The following PLCXD3 variants were observed in gnomAD, a reference collection of about 807,000 sequenced individuals.
The protein encoded by PLCXD3 is PI-PLC X domain-containing protein 3.
PLCXD3 carries 19 observed loss-of-function variants against 25.5 expected under a neutral mutation model. The observed-to-expected ratio is 0.75, with a 90% CI of 0.52 to 1.09. The LOEUF (loss-of-function observed/expected upper bound fraction) is 1.09, where lower values mean the gene tolerates loss of function less well. Ranked by LOEUF, PLCXD3 falls within the 50% of genes least tolerant of loss-of-function variation. The pLI is 0.00. For synonymous variants in PLCXD3, 174 were observed against 137.6 expected (o/e 1.26, Z -1.85); for missense variants, 411 against 388.1 (o/e 1.06, Z -0.50).
chr5:41,358,769 G>A (rs771494527), intron 2 of PLCXD3, among the ~76,000 whole-genome samples: 7 of 152,148 alleles, frequency 4.6e-5, no homozygotes, highest in Non-Finnish European at 7.4e-5. Flanking sequence ...TGGAAGTGGT[G>A]AGAATGGGCA....
intron 2 of PLCXD3, among the ~76,000 whole-genome samples, chr5:41,334,398 A>G (rs1054240547): frequency 6.6e-6 from 1 of 152,102 alleles, no homozygotes; most frequent in African/African-American, 2.4e-5. Flanking sequence ...GGGTACAGTC[A>G]TATTTTGGGA....
At chr5:41,498,264 A>G (rs1196776610) in intron 1 of PLCXD3, among the ~76,000 whole-genome samples, 1 of 151,616 alleles carries the variant, frequency 6.6e-6, no homozygotes, top group Non-Finnish European at 1.5e-5. Context: ...TTTTGAAAAG[A>G]TAAACATAAG....
chr5:41,497,052 A>T (rs1387440342), intron 1 of PLCXD3, among the ~76,000 whole-genome samples: 4 of 151,766 alleles, frequency 2.6e-5, no homozygotes, highest in Non-Finnish European at 5.9e-5. Flanking sequence ...CACGAAGAAA[A>T]AATCTACAGA....
intron 2 of PLCXD3, among the ~76,000 whole-genome samples, chr5:41,317,696 ATT>A (rs1356133666): frequency 1.3e-5 from 2 of 151,952 alleles, no homozygotes; most frequent in African/African-American, 4.8e-5. Flanking sequence ...TCAAGCAGAA[ATT>A]TTCTGGAGCT....
intron 2 of PLCXD3, among the ~76,000 whole-genome samples, chr5:41,353,342 C>T (rs1744527697): frequency 6.6e-6 from 1 of 151,858 alleles, no homozygotes; most frequent in Admixed American, 6.6e-5. Context: ...ACCTCATGAT[C>T]TGCCCGCCTC....
rs923481247 is a variant in PLCXD3 at position 41,312,129 on chromosome 5, C to T, written c.*1488G>A. 6.6e-6 allele frequency: 1 copy of T among 151,830 alleles called. No individual in the cohort carries two copies. Among genetic ancestry groups the T allele is most frequent in the Admixed American group, 6.6e-5 (1 of 15,190 alleles). The allele number at this position is 151,830 out of a possible 1,614,324, so 9.4% of individuals were successfully genotyped here. A position where few individuals can be genotyped will look rare whatever the true frequency, so the allele number is the denominator to read the frequency against. ...TATTTTTTAGAGTTGTCAAATATCACAATGACACGAAGGAGGAAGTAACGC... is the reference window on the plus strand; with the variant it reads ...TATTTTTTAGAGTTGTCAAATATCATAATGACACGAAGGAGGAAGTAACGC... On this transcript the variant is annotated 3_prime_UTR_variant, in exon 3 of 3. Coordinates refer to ENST00000377801, the MANE Select transcript of PLCXD3 (RefSeq NM_001005473.3).
intron 2 of PLCXD3, among the ~76,000 whole-genome samples, chr5:41,315,494 A>G (rs946697065): frequency 1.3e-5 from 2 of 152,184 alleles, no homozygotes; most frequent in Non-Finnish European, 2.9e-5. Context: ...ATGGTGGAAC[A>G]GAAGGCTCCG....
At position 41,465,353 on chromosome 5, in the gene PLCXD3, C is replaced by CTTTTTTTTTTTTTTTTTTTTTTT. The variant is rs58098437; in HGVS notation, c.103+45048_103+45070dup. Among the ~76,000 whole-genome samples, 19 of 13,234 alleles carry CTTTTTTTTTTTTTTTTTTTTTTT rather than the reference C, an allele frequency of 1.4e-3. 3 individuals carry two copies. Among genetic ancestry groups the CTTTTTTTTTTTTTTTTTTTTTTT allele is most frequent in the Middle Eastern group, 0.1 (1 of 10 alleles). 8.7% of individuals were successfully genotyped at this position (13,234 alleles called of 152,430 possible). ...TCCTACTTTCCCCACTAGTTCTTGTCTTTTTTTTTTTTTTTTTTTTTTTTT... is the reference window on the plus strand; with the variant it reads ...TCCTACTTTCCCCACTAGTTCTTGTCTTTTTTTTTTTTTTTTTTTTTTTTTTTTTTTTTTTTTTTTTTTTTTTT... On this transcript the variant is annotated intron_variant, in intron 1 of 2. Coordinates refer to ENST00000377801, the MANE Select transcript of PLCXD3 (RefSeq NM_001005473.3).
chr5:41,377,159 C>A (rs934566479), intron 2 of PLCXD3, among the ~76,000 whole-genome samples: 5 of 152,022 alleles, frequency 3.3e-5, no homozygotes, highest in Admixed American at 3.3e-4. Flanking sequence ...TGCTATCCAG[C>A]TAGGTTGCTT....
At chr5:41,358,273 C>T (rs1353719285) in intron 2 of PLCXD3, among the ~76,000 whole-genome samples, 1 of 152,134 alleles carries the variant, frequency 6.6e-6, no homozygotes, top group African/African-American at 2.4e-5. Context: ...GCTCTGTGTC[C>T]AGAGTGAATG....
chr5:41,443,575 T>C (rs575544609), intron 1 of PLCXD3, among the ~76,000 whole-genome samples: 103 of 152,316 alleles, frequency 6.8e-4, no homozygotes, highest in South Asian at 1.4e-3. Flanking sequence ...GCATCCATTA[T>C]ATTGTTATTA....
intron 1 of PLCXD3, among the ~76,000 whole-genome samples, chr5:41,421,848 T>C (rs1260206325): frequency 6.6e-6 from 1 of 152,212 alleles, no homozygotes; most frequent in Admixed American, 6.5e-5. Flanking sequence ...CTAAAAAACT[T>C]TTTTTAGGTG....
intron 1 of PLCXD3, among the ~76,000 whole-genome samples, chr5:41,453,882 A>C (rs2150515026): frequency 6.6e-6 from 1 of 152,062 alleles, no homozygotes; most frequent in African/African-American, 2.4e-5. Context: ...TGGTTCAACT[A>C]TGTGTCCTTT....
intron 1 of PLCXD3, among the ~76,000 whole-genome samples, chr5:41,438,278 T>A (rs1457128): frequency 6.6e-6 from 1 of 151,996 alleles, no homozygotes; most frequent in African/African-American, 2.4e-5. Context: ...TAGTTAATGA[T>A]GAAAAGGCAA....
In PLCXD3 at chr5:41,312,367, T is replaced by C. The variant is rs1743153585; in HGVS notation, c.*1250A>G. 1 of 152,326 alleles carries C rather than the reference T, an allele frequency of 6.6e-6. No homozygotes were observed. The highest frequency in any genetic ancestry group is 2.1e-4 in the South Asian group (1 of 4,830). The allele number at this position is 152,326 out of a possible 1,614,324, so 9.4% of individuals were successfully genotyped here. On this transcript the variant is annotated 3_prime_UTR_variant, in exon 3 of 3. Transcript: ENST00000377801. ...TATTTCAGAGATCCCTGTGATTTCA[T>C]GGACATAATTTCAAACACATTGCTC...
chr5:41,401,043 A>T (rs953040697), intron 1 of PLCXD3, among the ~76,000 whole-genome samples: 1 of 151,934 alleles, frequency 6.6e-6, no homozygotes, highest in Non-Finnish European at 1.5e-5. Context: ...CTTATTTGAC[A>T]CTTTTTTTTG....
In PLCXD3 at chr5:41,440,249, T is replaced by TTTTTTTTTTTTTTTTTTTG. The variant is rs751131624; in HGVS notation, c.104-57716_104-57715insCAAAAAAAAAAAAAAAAAA. Reference sequence around the variant, plus strand: ...TTTTTTTTTTTTTTTTTTTTTTTTTTTTAGTCAGAGTCTCACTGTGTCACC... The same window carrying TTTTTTTTTTTTTTTTTTTG: ...TTTTTTTTTTTTTTTTTTTTTTTTTTTTTTTTTTTTTTTTTTTTGTTAGTCAGAGTCTCACTGTGTCACC... On this transcript the variant is annotated intron_variant, in intron 1 of 2. Transcript: ENST00000377801. Among the ~76,000 whole-genome samples, 192 of 100,374 alleles carry TTTTTTTTTTTTTTTTTTTG rather than the reference T, an allele frequency of 1.9e-3. 25 individuals are homozygous for TTTTTTTTTTTTTTTTTTTG. Among genetic ancestry groups the TTTTTTTTTTTTTTTTTTTG allele is most frequent in the Non-Finnish European group, 2.8e-3 (141 of 49,608 alleles). 65.8% of individuals were successfully genotyped at this position (100,374 alleles called of 152,430 possible).
Position 41,315,439 on chromosome 5 carries a change from G to A in PLCXD3, c.813-1669C>T, listed in dbSNP as rs553590362. ...GAAAAAAAAAAACCCAGACAATAGA[G>A]GGCCTTGAGAAATATATAACAACTG... On this transcript the variant is annotated intron_variant, in intron 2 of 2. Transcript: ENST00000377801. 2.6e-5 allele frequency among the ~76,000 whole-genome samples: 4 copies of A among 151,856 alleles called. No homozygotes were observed. In the East Asian group the frequency reaches 7.7e-4, roughly 29 times the overall value.
chr5:41,427,597 ATCAG>A (rs1260131941), intron 1 of PLCXD3, among the ~76,000 whole-genome samples: 4 of 152,152 alleles, frequency 2.6e-5, no homozygotes, highest in African/African-American at 9.7e-5. Context: ...CAGCAGACTT[ATCAG>A]TCTGCTGCCT....
Sources: allele counts gnomAD v4.1 joint callset (sites outside exome capture counted in the v4.1 genomes callset), GRCh38; gene constraint gnomAD v4.1.1; transcripts MANE v1.5; gene names NCBI Gene and HGNC (gene_info 2026-07-23, HGNC 2026-07-21).